NRXN1: variants seen among roughly 807,000 people sequenced by gnomAD.
The protein encoded by NRXN1 is neurexin-1.
Under a neutral mutation model 150.9 loss-of-function variants are expected in NRXN1, and 39 were observed. The observed-to-expected ratio is 0.26, with a 90% CI of 0.20 to 0.34. The LOEUF (loss-of-function observed/expected upper bound fraction) is 0.34. NRXN1 is among the 10% of genes least tolerant of loss of function. NRXN1 has a pLI of 1.00. For synonymous variants in NRXN1, 924 were observed against 757.0 expected, an observed-to-expected ratio of 1.22 and a Z score of -3.62; for missense variants, 1,815 against 1,949.9, an observed-to-expected ratio of 0.93 and a Z score of 1.30.
At chr2:50,993,567 G>C (rs1698859145) in intron 2 of NRXN1, among the ~76,000 whole-genome samples, 1 of 151,774 alleles carries the variant, frequency 6.6e-6, no homozygotes, top group African/African-American at 2.4e-5. Context: ...TTAATTCTCA[G>C]ACTATCATCC....
intron 17 of NRXN1, among the ~76,000 whole-genome samples, chr2:50,358,517 G>T (rs1008453872): frequency 6.6e-6 from 1 of 152,200 alleles, no homozygotes; most frequent in Non-Finnish European, 1.5e-5. Flanking sequence ...GCTATAGCCA[G>T]ACTGCCTCTC....
chr2:50,094,530 AC>A (rs1360151004), intron 18 of NRXN1, among the ~76,000 whole-genome samples: 12 of 152,282 alleles, frequency 7.9e-5, no homozygotes, highest in African/African-American at 2.6e-4. Context: ...TAGTGAGCAA[AC>A]TAGTATTTGA....
chr2:50,673,878 C>T (rs1689186769), intron 5 of NRXN1, among the ~76,000 whole-genome samples: 1 of 152,066 alleles, frequency 6.6e-6, no homozygotes, highest in Non-Finnish European at 1.5e-5. Flanking sequence ...AGGATGACTT[C>T]ATGTCCTTTG....
chr2:50,865,658 G>GTTTTTTTTTTTTTTTT lies in NRXN1; in HGVS notation c.832+56195_832+56210dup, dbSNP rs71404978. Reference sequence around the variant, plus strand: ...AGTAATTCCCAGTAAGCATTTGAAAGTTTTTTTTTTTTTTTTTTTTTTTTT... The same window carrying GTTTTTTTTTTTTTTTT: ...AGTAATTCCCAGTAAGCATTTGAAAGTTTTTTTTTTTTTTTTTTTTTTTTTTTTTTTTTTTTTTTTT... On this transcript the variant is annotated intron_variant, in intron 5 of 22. Coordinates refer to ENST00000401669, the MANE Select transcript of NRXN1 (RefSeq NM_001330078.2). Among the ~76,000 whole-genome samples, 267 of 41,866 alleles carry GTTTTTTTTTTTTTTTT rather than the reference G, an allele frequency of 6.4e-3. 71 individuals are homozygous for GTTTTTTTTTTTTTTTT. The highest frequency in any genetic ancestry group is 7.2e-3 in the African/African-American group (64 of 8,862). The allele number at this position is 41,866 out of a possible 152,430, so 27.5% of individuals were successfully genotyped here.
At chr2:50,449,677 T>C (rs1027689808) in intron 17 of NRXN1, among the ~76,000 whole-genome samples, 4 of 152,194 alleles carry the variant, frequency 2.6e-5, no homozygotes, top group Non-Finnish European at 4.4e-5. Context: ...CATGGGTATA[T>C]GTCACTACAT....
chr2:50,837,700 A>G (rs1672305634), intron 5 of NRXN1, among the ~76,000 whole-genome samples: 1 of 152,164 alleles, frequency 6.6e-6, no homozygotes, highest in South Asian at 2.1e-4. Flanking sequence ...TGCATACAAA[A>G]TATTTTAGCA....
intron 17 of NRXN1, among the ~76,000 whole-genome samples, chr2:50,441,732 C>T (rs1327359736): frequency 2.6e-5 from 4 of 151,138 alleles, no homozygotes; most frequent in South Asian, 2.1e-4. Flanking sequence ...GCCATATAGA[C>T]ATAAAACAGC....
At chr2:50,126,041 T>G (rs1489557935) in intron 18 of NRXN1, among the ~76,000 whole-genome samples, 1 of 152,062 alleles carries the variant, frequency 6.6e-6, no homozygotes, top group African/African-American at 2.4e-5. Context: ...AGCAGAACAA[T>G]AGCAGGAAAG....
chr2:50,120,373 T>C (rs1028526357), intron 18 of NRXN1, among the ~76,000 whole-genome samples: 1 of 152,088 alleles, frequency 6.6e-6, no homozygotes, highest in East Asian at 1.9e-4. Context: ...TGAATGCATA[T>C]ATTCTCAGGC....
At chr2:50,964,820 A>G (rs1693795648) in intron 2 of NRXN1, among the ~76,000 whole-genome samples, 1 of 151,484 alleles carries the variant, frequency 6.6e-6, no homozygotes, top group African/African-American at 2.4e-5. Flanking sequence ...ACTTCCATTA[A>G]GTCATTTAAG....
At chr2:50,679,847 T>G (rs908994842) in intron 5 of NRXN1, among the ~76,000 whole-genome samples, 1 of 151,962 alleles carries the variant, frequency 6.6e-6, no homozygotes, top group East Asian at 1.9e-4. Context: ...AAGAATTCAG[T>G]AGAGGCCAGG....
At chr2:49,990,406 T>A (rs1681724692) in intron 21 of NRXN1, among the ~76,000 whole-genome samples, 1 of 152,104 alleles carries the variant, frequency 6.6e-6, no homozygotes. Context: ...GGTAGGGTAT[T>A]GTGACTTTAT....
chr2:50,582,976 CCTCTCT>C (rs150483914), intron 8 of NRXN1, among the ~76,000 whole-genome samples: 6,795 of 151,994 alleles, frequency 0.045, 223 homozygotes, highest in Non-Finnish European at 0.062. Context: ...TGTCTCTCTC[CCTCTCT>C]TTCTTCTCTC....
intron 8 of NRXN1, among the ~76,000 whole-genome samples, chr2:50,578,754 T>C (rs1169014161): frequency 2.6e-5 from 4 of 151,968 alleles, no homozygotes; most frequent in African/African-American, 9.7e-5. Flanking sequence ...ATTCTAGATC[T>C]AGATAGATAA....
chr2:50,008,834 A>C (rs1391594012), intron 21 of NRXN1, among the ~76,000 whole-genome samples: 1 of 152,148 alleles, frequency 6.6e-6, no homozygotes, highest in Non-Finnish European at 1.5e-5. Flanking sequence ...TTTTAAGTGG[A>C]AAGCAACAAG....
intron 21 of NRXN1, among the ~76,000 whole-genome samples, chr2:50,035,905 C>T (rs1277376634): frequency 1.3e-5 from 2 of 152,054 alleles, no homozygotes; most frequent in Non-Finnish European, 2.9e-5. Flanking sequence ...ATGAATACTT[C>T]TAAGGAGGAA....
At chr2:50,892,453 T>C (rs1681210575) in intron 5 of NRXN1, among the ~76,000 whole-genome samples, 1 of 152,136 alleles carries the variant, frequency 6.6e-6, no homozygotes, top group Non-Finnish European at 1.5e-5. Flanking sequence ...CAGTATAATA[T>C]GTTTTTCCAT....
chr2:50,433,563 ATTTTTTT>A (rs11383115), intron 17 of NRXN1, among the ~76,000 whole-genome samples: 2 of 144,570 alleles, frequency 1.4e-5, no homozygotes, highest in South Asian at 4.4e-4. Flanking sequence ...GGAGGTAATA[ATTTTTTT>A]TTTTTTTTCT....
chr2:49,990,746 G>A (rs1681787023), intron 21 of NRXN1, among the ~76,000 whole-genome samples: 1 of 152,188 alleles, frequency 6.6e-6, no homozygotes, highest in South Asian at 2.1e-4. Context: ...TATTCATCAT[G>A]TTATTCCTAA....
Sources: allele counts gnomAD v4.1 joint callset (sites outside exome capture counted in the v4.1 genomes callset), GRCh38; gene constraint gnomAD v4.1.1; transcripts MANE v1.5; gene names NCBI Gene and HGNC (gene_info 2026-07-23, HGNC 2026-07-21).